The following NFIA variants were observed in gnomAD, a reference collection of about 807,000 sequenced individuals.
NFIA encodes the protein nuclear factor 1 A-type.
In NFIA, 8 loss-of-function variants were observed where a neutral mutation model predicts 62.8. That is an observed-to-expected ratio of 0.13 (90% confidence interval 0.07 to 0.23). The LOEUF (loss-of-function observed/expected upper bound fraction) is 0.23. NFIA is among the 10% of genes least tolerant of loss of function. The probability of loss-of-function intolerance (pLI) is 1.00; values close to 1 mark genes in which losing one functional copy is unlikely to be tolerated. For missense variants in NFIA, 410 were observed against 642.1 expected (o/e 0.64, Z 3.91); for synonymous variants, 235 against 238.1 (o/e 0.99, Z 0.12).
chr1:61,221,740 C>T (rs549749173), intron 2 of NFIA, among the ~76,000 whole-genome samples: 3 of 152,084 alleles, frequency 2.0e-5, no homozygotes, highest in African/African-American at 4.8e-5. Flanking sequence ...ATAAGAGTGG[C>T]GTACAGTTAA....
intron 8 of NFIA, 93 bp from the exon 9 acceptor site, chr1:61,406,469 T>TGATGAATA (rs935873095): frequency 1.9e-6 from 2 of 1,040,272 alleles, no homozygotes; most frequent in African/African-American, 3.1e-5. Flanking sequence ...TAAAGGTGCC[T>TGATGAATA]GATGAATATT....
chr1:61,128,249 C>G (rs993754504), intron 2 of NFIA, among the ~76,000 whole-genome samples: 1 of 151,992 alleles, frequency 6.6e-6, no homozygotes, highest in Non-Finnish European at 1.5e-5. Context: ...GCACCAAGCC[C>G]TAATACATTT....
At chr1:61,167,847 T>C (rs1305297385) in intron 2 of NFIA, among the ~76,000 whole-genome samples, 1 of 152,216 alleles carries the variant, frequency 6.6e-6, no homozygotes, top group Non-Finnish European at 1.5e-5. Context: ...TATTTTTATC[T>C]CTGGTAGATT....
intron 2 of NFIA, among the ~76,000 whole-genome samples, chr1:61,201,391 A>T (rs947192015): frequency 1.3e-5 from 2 of 152,030 alleles, no homozygotes; most frequent in South Asian, 4.1e-4. Context: ...GCTCAAAGAG[A>T]TACATTTGTT....
chr1:61,089,170 GA>G (rs1388432845), intron 2 of NFIA, among the ~76,000 whole-genome samples: 1 of 152,038 alleles, frequency 6.6e-6, no homozygotes, highest in Non-Finnish European at 1.5e-5. Flanking sequence ...ATTTAGGAAG[GA>G]AAAATAATCA....
intron 10 of NFIA, among the ~76,000 whole-genome samples, chr1:61,439,087 C>G (rs909445476): frequency 2.6e-5 from 4 of 151,322 alleles, no homozygotes; most frequent in African/African-American, 9.7e-5. Flanking sequence ...CACTGAACAT[C>G]AATTACCTAT....
chr1:61,414,045 C>T (rs1233408097), intron 9 of NFIA, among the ~76,000 whole-genome samples: 1 of 150,926 alleles, frequency 6.6e-6, no homozygotes. Context: ...TGCAGTGGCG[C>T]AATCTCAGCT....
intron 2 of NFIA, among the ~76,000 whole-genome samples, chr1:61,130,683 G>C (rs1647057841): frequency 6.6e-6 from 1 of 152,166 alleles, no homozygotes; most frequent in South Asian, 2.1e-4. Context: ...GTGTGGGGGG[G>C]CGTACGTTTC....
At chr1:61,289,240 G>T (rs1245777523) in intron 3 of NFIA, among the ~76,000 whole-genome samples, 3 of 152,222 alleles carry the variant, frequency 2.0e-5, no homozygotes, top group Non-Finnish European at 2.9e-5. Flanking sequence ...TGTGGTGGTG[G>T]ATTCAGAGGA....
intron 2 of NFIA, among the ~76,000 whole-genome samples, chr1:61,149,818 A>G (rs954508822): frequency 1.3e-5 from 2 of 152,148 alleles, no homozygotes; most frequent in African/African-American, 4.8e-5. Context: ...GTCTTAGTCT[A>G]TATTAGATCT....
intron 2 of NFIA, among the ~76,000 whole-genome samples, chr1:61,126,954 G>A (rs1646985136): frequency 6.6e-6 from 1 of 151,084 alleles, no homozygotes; most frequent in African/African-American, 2.4e-5. Context: ...CCGACTGTCC[G>A]ACTAGTTTTT....
rs1054156451 is a variant in NFIA, at chr1:61,100,431, T to G, written c.559+11751T>G. On this transcript the variant is annotated intron_variant, in intron 2 of 10. Coordinates refer to ENST00000403491, the MANE Select transcript of NFIA (RefSeq NM_001134673.4). ...ACTAATCTTAGGCACTGTGATAGAT[T>G]CCCGAGATGCAAAACTGAAGAAAAT... Among the ~76,000 whole-genome samples, 3 of 152,176 alleles carry G rather than the reference T, an allele frequency of 2.0e-5. No individual in the cohort carries two copies. In the South Asian group the frequency reaches 6.2e-4, roughly 31 times the overall value.
At chr1:61,238,704 C>G (rs1655149243) in intron 2 of NFIA, among the ~76,000 whole-genome samples, 1 of 152,158 alleles carries the variant, frequency 6.6e-6, no homozygotes, top group Non-Finnish European at 1.5e-5. Context: ...TTTTCTGGTG[C>G]TTTTCCCTCT....
intron 6 of NFIA, among the ~76,000 whole-genome samples, chr1:61,374,928 A>T (rs1664075731): frequency 6.6e-6 from 1 of 152,224 alleles, no homozygotes; most frequent in African/African-American, 2.4e-5. Context: ...ATCATAAAAA[A>T]TTATATTAGA....
chr1:61,275,401 T>A (rs544670401), intron 2 of NFIA, among the ~76,000 whole-genome samples: 3 of 152,254 alleles, frequency 2.0e-5, no homozygotes, highest in East Asian at 3.9e-4. Flanking sequence ...ATAAAAAAAA[T>A]TTAGGGTCTT....
At chr1:61,368,517 T>C (rs137919416) in intron 6 of NFIA, among the ~76,000 whole-genome samples, 2 of 152,334 alleles carry the variant, frequency 1.3e-5, no homozygotes, top group East Asian at 1.9e-4. Flanking sequence ...AGCAAACTAC[T>C]TCTCTGAATT....
chr1:61,428,630 A>C (rs561334251), intron 10 of NFIA, among the ~76,000 whole-genome samples: 1 of 152,186 alleles, frequency 6.6e-6, no homozygotes, highest in Admixed American at 6.5e-5. Flanking sequence ...TAAATGAGGA[A>C]CTATTTTCTG....
rs1011061476 is a variant in NFIA at position 61,444,419 on chromosome 1, A to T, written c.1513-10884A>T. Among the ~76,000 whole-genome samples, 3 of 152,320 alleles carry T rather than the reference A, an allele frequency of 2.0e-5. No individual in the cohort carries two copies. In the South Asian group the frequency reaches 6.2e-4, roughly 32 times the overall value. On this transcript the variant is annotated intron_variant, in intron 10 of 10. Coordinates refer to ENST00000403491, the MANE Select transcript of NFIA (RefSeq NM_001134673.4). ...GCCTGAGAAAGCAGTCCAGATTCCA[A>T]CTGTAAAACATTCCTTCACCAAGCC...
intron 3 of NFIA, among the ~76,000 whole-genome samples, chr1:61,291,452 T>C (rs1658876523): frequency 6.6e-6 from 1 of 152,242 alleles, no homozygotes. Context: ...TGGATTTTTT[T>C]CTGTGCATTC....
Sources: gnomAD v4.1 joint callset for allele counts (sites outside exome capture counted in the v4.1 genomes callset) on GRCh38, gnomAD v4.1.1 for gene constraint, MANE v1.5 for transcripts, NCBI Gene and HGNC (gene_info 2026-07-23, HGNC 2026-07-21) for gene names.